MSH4: variants seen among roughly 807,000 people sequenced by gnomAD.
MSH4 encodes the protein mutS homolog 4.
MSH4 carries 106 observed loss-of-function variants against 113.7 expected under a neutral mutation model. The observed-to-expected ratio is 0.93, with a 90% CI of 0.80 to 1.10. MSH4 has a LOEUF of 1.10. Among genes scored for constraint, MSH4 ranks in the 50% least tolerant of loss-of-function variants. The pLI is 0.00. For missense variants in MSH4, 1,061 were observed against 1,093.7 expected, an observed-to-expected ratio of 0.97 and a Z score of 0.42; for synonymous variants, 368 against 380.2, an observed-to-expected ratio of 0.97 and a Z score of 0.37.
chr1:75,811,966 T>C (rs1428127827), intron 4 of MSH4, among the ~76,000 whole-genome samples: 1 of 152,218 alleles, frequency 6.6e-6, no homozygotes, highest in African/African-American at 2.4e-5. Flanking sequence ...ATCTATTGTC[T>C]CTATTAGACG....
intron 6 of MSH4, among the ~76,000 whole-genome samples, chr1:75,821,414 A>G (rs1026322729): frequency 5.6e-4 from 85 of 151,922 alleles, no homozygotes; most frequent in Non-Finnish European, 8.4e-4. Context: ...CAGTGTGTAG[A>G]GGGAAATTTA....
intron 7 of MSH4, among the ~76,000 whole-genome samples, chr1:75,847,547 G>A (rs1651100603): frequency 1.3e-5 from 2 of 152,158 alleles, no homozygotes; most frequent in South Asian, 4.1e-4. Flanking sequence ...TAGAATACCT[G>A]AGGCTGGGTA....
At chr1:75,895,217 T>C (rs1389758104) in intron 17 of MSH4, among the ~76,000 whole-genome samples, 1 of 152,074 alleles carries the variant, frequency 6.6e-6, no homozygotes, top group African/African-American at 2.4e-5. Flanking sequence ...AAGTGATTGA[T>C]CCTGATTAGC....
At chr1:75,893,391 G>A (rs1353017277) in intron 17 of MSH4, among the ~76,000 whole-genome samples, 1 of 151,972 alleles carries the variant, frequency 6.6e-6, no homozygotes, top group African/African-American at 2.4e-5. Context: ...TTAAAGTGAG[G>A]GCATTAGTTG....
chr1:75,896,796 A>G (rs1652394762), intron 17 of MSH4, among the ~76,000 whole-genome samples: 1 of 152,116 alleles, frequency 6.6e-6, no homozygotes, highest in African/African-American at 2.4e-5. Flanking sequence ...AGTTCCTCTA[A>G]TAGATTGGTT....
intron 15 of MSH4, among the ~76,000 whole-genome samples, chr1:75,885,051 G>GTATATATATATATATATATATA (rs1217705221): frequency 3.6e-4 from 41 of 113,268 alleles, no homozygotes; most frequent in African/African-American, 1.4e-3. Context: ...GTGTGTGTGT[G>GTATATATATATATATATATATA]TGTGTGTGTA....
intron 17 of MSH4, among the ~76,000 whole-genome samples, chr1:75,891,970 G>T (rs1024621320): frequency 6.6e-6 from 1 of 152,136 alleles, no homozygotes; most frequent in African/African-American, 2.4e-5. Context: ...GGGCCACAGA[G>T]TGCCCAGACA....
intron 14 of MSH4, among the ~76,000 whole-genome samples, chr1:75,882,432 C>G (rs1651953554): frequency 6.6e-6 from 1 of 151,954 alleles, no homozygotes; most frequent in Admixed American, 6.6e-5. Context: ...TCCTCCTCCC[C>G]CCACTTCAGG....
intron 1 of MSH4, among the ~76,000 whole-genome samples, 180 bp from the exon 2 acceptor site, chr1:75,803,551 A>G (rs1649987081): frequency 6.6e-6 from 1 of 152,118 alleles, no homozygotes; most frequent in African/African-American, 2.4e-5. Context: ...TGGGAGGTGG[A>G]CGTTGCAGTG....
intron 17 of MSH4, among the ~76,000 whole-genome samples, chr1:75,897,589 G>A (rs1652412235): frequency 6.6e-6 from 1 of 151,850 alleles, no homozygotes; most frequent in Non-Finnish European, 1.5e-5. Context: ...TCATAGCTTT[G>A]TTTCTGGTAA....
chr1:75,852,832 T>TG (rs1460974573), intron 8 of MSH4, among the ~76,000 whole-genome samples: 1 of 152,196 alleles, frequency 6.6e-6, no homozygotes, highest in Non-Finnish European at 1.5e-5. Context: ...TTCACTTTCT[T>TG]GATTATATGC....
intron 13 of MSH4, 90 bp downstream of exon 13, chr1:75,880,243 T>A: frequency 1.5e-6 from 1 of 682,656 alleles, no homozygotes; most frequent in Non-Finnish European, 2.4e-6. Flanking sequence ...TTTATCTAAT[T>A]ACAGACAATT....
intron 19 of MSH4, among the ~76,000 whole-genome samples, chr1:75,904,079 T>C (rs1452204718): frequency 1.3e-5 from 2 of 152,212 alleles, no homozygotes; most frequent in Non-Finnish European, 2.9e-5. Flanking sequence ...CATAAAGGAA[T>C]GTTGAATTTT....
intron 6 of MSH4, among the ~76,000 whole-genome samples, chr1:75,821,904 C>G (rs1263553292): frequency 6.6e-6 from 1 of 152,124 alleles, no homozygotes; most frequent in Non-Finnish European, 1.5e-5. Context: ...AGCAACCGTG[C>G]GTGGCCCAAA....
intron 11 of MSH4, 87 bp from the exon 12 acceptor site, chr1:75,878,905 C>G: frequency 1.8e-6 from 2 of 1,108,712 alleles, no homozygotes; most frequent in Non-Finnish European, 2.5e-6. Flanking sequence ...ATTTAAAAAC[C>G]ATGTGACTCT....
In MSH4 at chr1:75,898,028, C is replaced by A; in HGVS notation, c.2477C>A (p.Ala826Glu). Residue 826 changes from alanine (A) to glutamate (E), a missense_variant, in exon 18 of 20, where the codon GCA (alanine) becomes GAA (glutamate). Ala to Glu is a moderately radical substitution (Grantham distance 107, BLOSUM62 -1). Transcript: ENST00000263187. ...AAGAATACCTCAAGAAATAAAGAAG[C>A]AATTTTGTATACCTACAAACTTTCT... Reference protein sequence around the residue: ...HVKNTSRNKEAILYTYKLSKG... With the variant: ...HVKNTSRNKEEILYTYKLSKG... 1 of 1,604,898 alleles carries A rather than the reference C, an allele frequency of 6.2e-7. No homozygotes were observed. The highest frequency in any genetic ancestry group is 1.3e-5 in the African/African-American group (1 of 74,794).
chr1:75,879,104 T>G lies in MSH4; in HGVS notation c.1653T>G (p.Asp551Glu). Residue 551 changes from aspartate to glutamate, a missense_variant, in exon 12 of 20, where the codon GAT (aspartate) becomes GAG (glutamate). By Grantham distance (45) the Asp-to-Glu change is conservative. Transcript: ENST00000263187. ...CAGATTGTATAGCCCTACCTAGTGA[T>G]CAACTTCCTTCAGAATTTATTAAGG... ...MTTDCIALPS[D>E]QLPSEFIKIS... 6.2e-7 allele frequency: 1 copy of G among 1,610,972 alleles called. No homozygotes were observed. The highest frequency in any genetic ancestry group is 8.5e-7 in the Non-Finnish European group (1 of 1,177,742).
intron 15 of MSH4, among the ~76,000 whole-genome samples, chr1:75,888,125 T>A (rs1652166587): frequency 6.6e-6 from 1 of 151,268 alleles, no homozygotes; most frequent in South Asian, 2.1e-4. Flanking sequence ...AATATTAATC[T>A]GACTTTTGGT....
intron 7 of MSH4, among the ~76,000 whole-genome samples, chr1:75,838,899 A>T (rs1023139852): frequency 2.6e-5 from 4 of 152,120 alleles, no homozygotes; most frequent in Non-Finnish European, 5.9e-5. Flanking sequence ...GGCATCTTTA[A>T]TACATGTTTC....
Sources: allele counts gnomAD v4.1 joint callset (sites outside exome capture counted in the v4.1 genomes callset), GRCh38; gene constraint gnomAD v4.1.1; transcripts MANE v1.5; gene names NCBI Gene and HGNC (gene_info 2026-07-23, HGNC 2026-07-21).